Variants in SLC38A1 observed in about 807,000 individuals in gnomAD.
The protein encoded by SLC38A1 is solute carrier family 38 member 1, also known as sodium-coupled neutral amino acid symporter 1.
Under a neutral mutation model 60.3 loss-of-function variants are expected in SLC38A1, and 18 were observed. The observed-to-expected ratio is 0.30, with a 90% CI of 0.21 to 0.44. The LOEUF (loss-of-function observed/expected upper bound fraction) is 0.44, where lower values mean the gene tolerates loss of function less well. SLC38A1 is among the 20% of genes least tolerant of loss of function. The pLI is 1.00. For synonymous variants in SLC38A1, 196 were observed against 212.1 expected (o/e 0.92, Z 0.66); for missense variants, 448 against 587.2 (o/e 0.76, Z 2.45).
intron 1 of SLC38A1, among the ~76,000 whole-genome samples, chr12:46,250,771 A>G (rs1258745474): frequency 6.6e-6 from 1 of 152,218 alleles, no homozygotes; most frequent in African/African-American, 2.4e-5. Context: ...AATACCTAGG[A>G]ATCCAACTTA....
intron 13 of SLC38A1, among the ~76,000 whole-genome samples, chr12:46,200,580 C>T (rs1939612689): frequency 6.6e-6 from 1 of 152,134 alleles, no homozygotes; most frequent in Admixed American, 6.5e-5. Context: ...CATATGAAAA[C>T]TTGTTCCCTT....
At chr12:46,193,629 T>C (rs1200971749) in intron 16 of SLC38A1, among the ~76,000 whole-genome samples, 1 of 152,220 alleles carries the variant, frequency 6.6e-6, no homozygotes, top group African/African-American at 2.4e-5. Context: ...ATTGGGTGCA[T>C]ATATATTTAG....
chr12:46,212,334 T>C (rs1940209103), intron 5 of SLC38A1, among the ~76,000 whole-genome samples: 1 of 152,214 alleles, frequency 6.6e-6, no homozygotes, highest in East Asian at 1.9e-4. Flanking sequence ...TAAAATTTCA[T>C]CTGGATATAA....
Position 46,204,313 on chromosome 12 carries a change from G to A in SLC38A1, c.810C>T (p.Thr270=). The A allele has an allele frequency of 6.2e-7, 1 of 1,603,428 alleles. No homozygotes were observed. Among genetic ancestry groups the A allele is most frequent in the Non-Finnish European group, 8.5e-7 (1 of 1,170,422 alleles). The part of the protein sequence containing the change: ...NADTCTPKYV[T]FNSKTVYALP... The stretch of plus-strand genomic sequence containing the variant: ...TCAGGAAACTTACCTTTGAATTGAA[G>A]GTAACATATTTTGGCGTACACGTGT... The change falls in exon 11 of 17, where the codon ACC becomes ACT. Residue 270 remains threonine (T), a synonymous_variant. Transcript: ENST00000398637.
rs916163881 is a variant in SLC38A1, at chr12:46,191,837, A to G, written c.1363-2766T>C. Among the ~76,000 whole-genome samples the G allele has an allele frequency of 2.0e-5, 3 of 152,300 alleles. 1 individual carries two copies. The highest frequency in any genetic ancestry group is 1.3e-4 in the Admixed American group (2 of 15,296). ...CTTAAGGAGATTTTGGGCTGAGACAATGGGGTTTTCTAAATATACAATCAG... is the reference window on the plus strand; with the variant it reads ...CTTAAGGAGATTTTGGGCTGAGACAGTGGGGTTTTCTAAATATACAATCAG... On this transcript the variant is annotated intron_variant, in intron 16 of 16. Transcript: ENST00000398637.
chr12:46,240,070 C>G (rs1049516168), intron 2 of SLC38A1, among the ~76,000 whole-genome samples, 177 bp from the exon 3 acceptor site: 1 of 151,668 alleles, frequency 6.6e-6, no homozygotes, highest in African/African-American at 2.4e-5. Context: ...AAATTTTATG[C>G]CTTTTATAGA....
intron 1 of SLC38A1, among the ~76,000 whole-genome samples, chr12:46,264,879 C>A (rs956003165): frequency 2.0e-5 from 3 of 152,186 alleles, no homozygotes; most frequent in Non-Finnish European, 4.4e-5. Flanking sequence ...TACTTCTGTG[C>A]ACATACTTCT....
At chr12:46,259,075 A>T (rs1164571306) in intron 1 of SLC38A1, among the ~76,000 whole-genome samples, 1 of 152,228 alleles carries the variant, frequency 6.6e-6, no homozygotes, top group Non-Finnish European at 1.5e-5. Flanking sequence ...ACCACGTGAG[A>T]TGATGGATAT....
At chr12:46,206,904 T>G (rs1212648013) in intron 8 of SLC38A1, among the ~76,000 whole-genome samples, 2 of 152,208 alleles carry the variant, frequency 1.3e-5, no homozygotes, top group Non-Finnish European at 2.9e-5. Flanking sequence ...GATTTCAGGC[T>G]CTGGGGAAAA....
At chr12:46,251,027 A>G (rs1337846515) in intron 1 of SLC38A1, among the ~76,000 whole-genome samples, 1 of 152,206 alleles carries the variant, frequency 6.6e-6, no homozygotes, top group Non-Finnish European at 1.5e-5. Flanking sequence ...AAAAGAGCCC[A>G]CATTGCCAAG....
intron 1 of SLC38A1, among the ~76,000 whole-genome samples, chr12:46,253,968 A>G (rs1198871450): frequency 6.6e-6 from 1 of 152,164 alleles, no homozygotes; most frequent in Non-Finnish European, 1.5e-5. Flanking sequence ...ACAAAAAGTA[A>G]TATTTGGAAG....
At chr12:46,230,664 CA>C in intron 3 of SLC38A1, among the ~76,000 whole-genome samples, 1 of 152,242 alleles carries the variant, frequency 6.6e-6, no homozygotes, top group South Asian at 2.1e-4. Context: ...TACAAATATA[CA>C]GAAGTAAGAA....
At chr12:46,194,077 G>T (rs1459529106) in intron 16 of SLC38A1, among the ~76,000 whole-genome samples, 2 of 152,176 alleles carry the variant, frequency 1.3e-5, no homozygotes. Flanking sequence ...GGTACTGGTT[G>T]GTCCTTTCCA....
intron 5 of SLC38A1, among the ~76,000 whole-genome samples, chr12:46,221,975 C>G (rs1232199083): frequency 3.3e-5 from 5 of 152,056 alleles, no homozygotes; most frequent in South Asian, 2.1e-4. Context: ...CTGGAAAGAC[C>G]AAGGTAACAG....
intron 1 of SLC38A1, among the ~76,000 whole-genome samples, chr12:46,248,424 C>A (rs1235558895): frequency 6.6e-6 from 1 of 152,004 alleles, no homozygotes; most frequent in African/African-American, 2.4e-5. Context: ...GAACAAAGAT[C>A]AAAAGAGACA....
intron 1 of SLC38A1, among the ~76,000 whole-genome samples, chr12:46,248,758 C>G (rs1941717426): frequency 6.6e-6 from 1 of 152,102 alleles, no homozygotes; most frequent in East Asian, 1.9e-4. Context: ...CAAAACTGAC[C>G]ACATAGTTGG....
At chr12:46,240,265 C>T (rs1427848296) in intron 2 of SLC38A1, among the ~76,000 whole-genome samples, 3 of 152,160 alleles carry the variant, frequency 2.0e-5, no homozygotes, top group Admixed American at 6.5e-5. Context: ...GGCACAGTCT[C>T]GGCTCACTGC....
At chr12:46,240,598 T>G (rs746553002) in intron 2 of SLC38A1, among the ~76,000 whole-genome samples, 1 of 152,224 alleles carries the variant, frequency 6.6e-6, no homozygotes, top group Non-Finnish European at 1.5e-5. Context: ...AAAAGCACCT[T>G]CGGTTTAGCA....
intron 1 of SLC38A1, among the ~76,000 whole-genome samples, chr12:46,247,473 G>T (rs191136207): frequency 6.6e-6 from 1 of 152,206 alleles, no homozygotes; most frequent in Admixed American, 6.5e-5. Flanking sequence ...AGTGAGAAGA[G>T]AAGTTTAGAG....
Sources: allele counts gnomAD v4.1 joint callset (sites outside exome capture counted in the v4.1 genomes callset), GRCh38; gene constraint gnomAD v4.1.1; transcripts MANE v1.5; gene names NCBI Gene and HGNC (gene_info 2026-07-23, HGNC 2026-07-21).